Variants in CLSTN2 observed in about 807,000 individuals in gnomAD.
CLSTN2 encodes calsyntenin-2.
CLSTN2 carries 48 observed loss-of-function variants against 101.2 expected under a neutral mutation model. That is an observed-to-expected ratio of 0.47 (90% CI 0.38 to 0.60). The LOEUF (loss-of-function observed/expected upper bound fraction) is 0.60, where lower values mean the gene tolerates loss of function less well. Among genes scored for constraint, CLSTN2 ranks in the 20% least tolerant of loss-of-function variants. The pLI is 0.00. For synonymous variants in CLSTN2, 481 were observed against 463.6 expected (o/e 1.04, Z -0.48); for missense variants, 1,160 against 1,238.2 (o/e 0.94, Z 0.95).
intron 8 of CLSTN2, among the ~76,000 whole-genome samples, chr3:140,490,115 TATACACACACACACACACAC>T (rs1934323030): frequency 2.6e-4 from 2 of 7,756 alleles, no homozygotes; most frequent in Non-Finnish European, 4.3e-4. Flanking sequence ...TATATATATA[TATACACACACACACACACAC>T]ACACACACAC....
intron 1 of CLSTN2, among the ~76,000 whole-genome samples, chr3:140,093,611 G>A (rs1259852318): frequency 8.5e-5 from 13 of 152,156 alleles, no homozygotes; most frequent in Admixed American, 8.5e-4. Context: ...CTTCACTGTG[G>A]CAGGGTTGGG....
chr3:140,241,938 C>G (rs1282726498), intron 2 of CLSTN2, among the ~76,000 whole-genome samples: 1 of 151,064 alleles, frequency 6.6e-6, no homozygotes, highest in Non-Finnish European at 1.5e-5. Context: ...CACAGAGTGT[C>G]ACTTTGTTGC....
intron 1 of CLSTN2, among the ~76,000 whole-genome samples, chr3:140,045,373 C>G (rs1305996291): frequency 6.6e-6 from 1 of 151,804 alleles, no homozygotes; most frequent in Non-Finnish European, 1.5e-5. Context: ...TGGTGATATC[C>G]CCTTTATCAT....
chr3:140,132,991 C>A (rs1163028904), intron 1 of CLSTN2, among the ~76,000 whole-genome samples: 1 of 152,094 alleles, frequency 6.6e-6, no homozygotes, highest in Non-Finnish European at 1.5e-5. Flanking sequence ...TAAAGGAATA[C>A]CCAAGACTGG....
chr3:140,191,995 C>A (rs1270647208), intron 2 of CLSTN2, among the ~76,000 whole-genome samples: 2 of 151,936 alleles, frequency 1.3e-5, no homozygotes, highest in East Asian at 3.9e-4. Context: ...CTCATCACTG[C>A]TTTAGCTGTA....
At chr3:140,143,939 A>G (rs1001730331) in intron 1 of CLSTN2, among the ~76,000 whole-genome samples, 12 of 152,202 alleles carry the variant, frequency 7.9e-5, no homozygotes, top group African/African-American at 2.7e-4. Flanking sequence ...AAGGCAAATG[A>G]TATCATGACT....
intron 1 of CLSTN2, among the ~76,000 whole-genome samples, chr3:140,056,268 C>T (rs1228636448): frequency 3.9e-5 from 6 of 152,274 alleles, no homozygotes; most frequent in Admixed American, 2.6e-4. Context: ...GCCTGGTACA[C>T]AGTAGTTACA....
At chr3:140,105,040 A>G (rs2009031679) in intron 1 of CLSTN2, among the ~76,000 whole-genome samples, 1 of 152,244 alleles carries the variant, frequency 6.6e-6, no homozygotes, top group Admixed American at 6.5e-5. Flanking sequence ...ATCTTATTCC[A>G]GGACAAGGGC....
chr3:140,176,150 A>G (rs1242618739), intron 2 of CLSTN2, 77 bp downstream of exon 2: 27 of 1,521,952 alleles, frequency 1.8e-5, no homozygotes, highest in Non-Finnish European at 2.4e-5. Flanking sequence ...AGCCCAGAAT[A>G]TGGCTTTATA....
chr3:140,422,223 T>C (rs1198157596), intron 5 of CLSTN2, among the ~76,000 whole-genome samples: 2 of 149,438 alleles, frequency 1.3e-5, no homozygotes, highest in East Asian at 4.0e-4. Flanking sequence ...CTCTCTCTGC[T>C]ATCTTTAATT....
intron 9 of CLSTN2, among the ~76,000 whole-genome samples, chr3:140,541,115 T>C (rs1054683725): frequency 6.6e-6 from 1 of 152,116 alleles, no homozygotes; most frequent in Non-Finnish European, 1.5e-5. Flanking sequence ...AAATTCCCCC[T>C]TGAACCTTCC....
At chr3:140,193,014 A>G (rs1359430678) in intron 2 of CLSTN2, among the ~76,000 whole-genome samples, 2 of 151,350 alleles carry the variant, frequency 1.3e-5, no homozygotes, top group Non-Finnish European at 1.5e-5. Context: ...TGGTATTGTC[A>G]TTTTATCAGT....
intron 1 of CLSTN2, among the ~76,000 whole-genome samples, chr3:140,099,117 G>A (rs533124171): frequency 3.9e-5 from 6 of 152,286 alleles, no homozygotes; most frequent in African/African-American, 1.4e-4. Context: ...CTCTCTTAGG[G>A]CAGATTTTAA....
chr3:140,385,335 T>C (rs1292221892), intron 2 of CLSTN2, among the ~76,000 whole-genome samples: 1 of 150,942 alleles, frequency 6.6e-6, no homozygotes, highest in Non-Finnish European at 1.5e-5. Flanking sequence ...GCTCATTCAT[T>C]GCCAGTTGGG....
chr3:140,425,716 A>G (rs564945788), intron 5 of CLSTN2, among the ~76,000 whole-genome samples: 1 of 152,352 alleles, frequency 6.6e-6, no homozygotes, highest in East Asian at 1.9e-4. Context: ...CTTTGCATTC[A>G]GAAAACAAGC....
intron 1 of CLSTN2, among the ~76,000 whole-genome samples, chr3:140,109,450 G>T (rs954786438): frequency 6.6e-6 from 1 of 152,152 alleles, no homozygotes; most frequent in Non-Finnish European, 1.5e-5. Flanking sequence ...CCTAGCTGAG[G>T]TGATAATTGG....
chr3:140,194,072 A>C (rs1174493999), intron 2 of CLSTN2, among the ~76,000 whole-genome samples: 1 of 152,124 alleles, frequency 6.6e-6, no homozygotes, highest in Non-Finnish European at 1.5e-5. Flanking sequence ...TTGACCATAC[A>C]TGTGTTTTTA....
chr3:140,425,484 G>C (rs1295929925), intron 5 of CLSTN2, among the ~76,000 whole-genome samples: 1 of 152,190 alleles, frequency 6.6e-6, no homozygotes, highest in East Asian at 1.9e-4. Context: ...CTTGGCCAAA[G>C]TATTATCTAC....
intron 1 of CLSTN2, among the ~76,000 whole-genome samples, chr3:140,045,899 C>A (rs1188608304): frequency 6.6e-6 from 1 of 152,178 alleles, no homozygotes; most frequent in Non-Finnish European, 1.5e-5. Context: ...GTTATAATTT[C>A]TGTTCTTTTA....
Sources: allele counts gnomAD v4.1 joint callset (sites outside exome capture counted in the v4.1 genomes callset), GRCh38; gene constraint gnomAD v4.1.1; transcripts MANE v1.5; gene names NCBI Gene and HGNC (gene_info 2026-07-23, HGNC 2026-07-21).